The following FMN2 variants were observed in gnomAD, a reference collection of about 807,000 sequenced individuals.
The protein encoded by FMN2 is formin-2.
FMN2 carries 51 observed loss-of-function variants against 142.3 expected under a neutral mutation model. That is an observed-to-expected ratio of 0.36 (90% CI 0.29 to 0.45). The LOEUF (loss-of-function observed/expected upper bound fraction) is 0.45, where lower values mean the gene tolerates loss of function less well. Ranked by LOEUF, FMN2 falls within the 20% of genes least tolerant of loss-of-function variation. The pLI, the probability that FMN2 is intolerant of heterozygous loss-of-function variation, is 1.00. For synonymous variants in FMN2, 882 were observed against 869.8 expected (o/e 1.01, Z -0.25); for missense variants, 1,936 against 2,122.8 (o/e 0.91, Z 1.73).
At chr1:240,185,682 T>G (rs1665416639) in intron 3 of FMN2, among the ~76,000 whole-genome samples, 1 of 152,244 alleles carries the variant, frequency 6.6e-6, no homozygotes, top group South Asian at 2.1e-4. Context: ...AGAACAAAGC[T>G]AGAAAGCATT....
intron 6 of FMN2, among the ~76,000 whole-genome samples, chr1:240,225,582 A>T (rs1327473998): frequency 6.6e-6 from 1 of 152,212 alleles, no homozygotes; most frequent in Non-Finnish European, 1.5e-5. Context: ...TGGGGCAGGG[A>T]AGGGAAAAAT....
chr1:240,454,763 A>T (rs752111562), intron 16 of FMN2, among the ~76,000 whole-genome samples: 6 of 152,164 alleles, frequency 3.9e-5, no homozygotes, highest in Non-Finnish European at 7.3e-5. Context: ...GAGCATTGAA[A>T]ATAGAAAGCC....
intron 14 of FMN2, among the ~76,000 whole-genome samples, chr1:240,368,690 A>T (rs1031217777): frequency 1.3e-5 from 2 of 151,966 alleles, no homozygotes; most frequent in African/African-American, 2.4e-5. Flanking sequence ...GTCATTTTGC[A>T]CTGTGTTGTA....
At chr1:240,351,464 T>C (rs755042074) in intron 13 of FMN2, among the ~76,000 whole-genome samples, 20 of 152,216 alleles carry the variant, frequency 1.3e-4, no homozygotes, top group African/African-American at 4.6e-4. Flanking sequence ...AAATTCTACA[T>C]GTTTCCCAGT....
chr1:240,247,016 G>C (rs2102878261), intron 6 of FMN2, among the ~76,000 whole-genome samples: 1 of 152,246 alleles, frequency 6.6e-6, no homozygotes, highest in South Asian at 2.1e-4. Flanking sequence ...TGGAAAAAAA[G>C]GTCAGATCAT....
chr1:240,246,515 T>C (rs1417593670), intron 6 of FMN2, among the ~76,000 whole-genome samples: 1 of 152,186 alleles, frequency 6.6e-6, no homozygotes, highest in East Asian at 1.9e-4. Flanking sequence ...CTTTAGGATG[T>C]TGGGGTAGCT....
chr1:240,197,460 T>C (rs951073398), intron 4 of FMN2, among the ~76,000 whole-genome samples: 1 of 152,112 alleles, frequency 6.6e-6, no homozygotes, highest in Non-Finnish European at 1.5e-5. Context: ...CAGAAGTTCC[T>C]AGAGGCCTGG....
chr1:240,226,561 G>A (rs927598702), intron 6 of FMN2, among the ~76,000 whole-genome samples: 7 of 152,164 alleles, frequency 4.6e-5, no homozygotes, highest in Admixed American at 3.9e-4. Context: ...AAAATGATAT[G>A]GTAATTTGAG....
intron 16 of FMN2, among the ~76,000 whole-genome samples, chr1:240,463,728 C>G (rs12077534): frequency 0.02 from 3,015 of 152,164 alleles, 80 homozygotes; most frequent in African/African-American, 0.069. Context: ...AGTGGCCAGG[C>G]CTGGTGGCTC....
At chr1:240,414,494 T>G (rs531444176) in intron 15 of FMN2, among the ~76,000 whole-genome samples, 1 of 152,354 alleles carries the variant, frequency 6.6e-6, no homozygotes, top group East Asian at 1.9e-4. Context: ...ATTACGAAAT[T>G]TTAAAGCCAA....
intron 6 of FMN2, among the ~76,000 whole-genome samples, chr1:240,248,458 T>TATATATATATATATATAA (rs913505236): frequency 1.5e-5 from 2 of 133,558 alleles, no homozygotes; most frequent in African/African-American, 5.6e-5. Context: ...TATATATATA[T>TATATATATATATATATAA]AACATACATG....
chr1:240,102,661 T>C (rs1661454530), intron 1 of FMN2, among the ~76,000 whole-genome samples: 1 of 152,174 alleles, frequency 6.6e-6, no homozygotes, highest in Non-Finnish European at 1.5e-5. Context: ...GATGGTATCC[T>C]TGCAGTTTCT....
chr1:240,345,393 T>G (rs561897804), intron 13 of FMN2, among the ~76,000 whole-genome samples: 41 of 152,314 alleles, frequency 2.7e-4, no homozygotes, highest in African/African-American at 9.6e-4. Flanking sequence ...AGATGTAGAT[T>G]GGTGAGAACG....
At chr1:240,268,152 A>C (rs1182855501) in intron 7 of FMN2, among the ~76,000 whole-genome samples, 1 of 152,024 alleles carries the variant, frequency 6.6e-6, no homozygotes, top group African/African-American at 2.4e-5. Context: ...ATCTAAAAGG[A>C]ACTGTTACTT....
chr1:240,233,452 A>G lies in FMN2; in HGVS notation c.4065+22217A>G, dbSNP rs113825531. 3.0e-3 allele frequency among the ~76,000 whole-genome samples: 464 copies of G among 152,210 alleles called. 3 individuals are homozygous for G. Among genetic ancestry groups the G allele is most frequent in the African/African-American group, 0.01 (428 of 41,548 alleles). On this transcript the variant is annotated intron_variant, in intron 6 of 17. Coordinates refer to ENST00000319653, the MANE Select transcript of FMN2 (RefSeq NM_020066.5). ...TCCTTTTAAATTTCTTTCTCAAAGC[A>G]TGTAAAACCATCTCTCTTGCTAAGA...
chr1:240,260,220 C>G (rs1668580041), intron 7 of FMN2, among the ~76,000 whole-genome samples: 2 of 152,138 alleles, frequency 1.3e-5, no homozygotes, highest in South Asian at 2.1e-4. Context: ...CATGCACGTA[C>G]AAGTATCTTT....
intron 6 of FMN2, among the ~76,000 whole-genome samples, chr1:240,228,861 A>G (rs1667439934): frequency 6.6e-6 from 1 of 152,156 alleles, no homozygotes; most frequent in Admixed American, 6.5e-5. Flanking sequence ...ATATAGTTTT[A>G]TAGGCAAGAG....
intron 7 of FMN2, among the ~76,000 whole-genome samples, chr1:240,292,117 C>G (rs1466076373): frequency 6.6e-6 from 1 of 152,150 alleles, no homozygotes; most frequent in Non-Finnish European, 1.5e-5. Flanking sequence ...TGTTCCACAT[C>G]AGGAAACAGC....
intron 3 of FMN2, among the ~76,000 whole-genome samples, chr1:240,185,174 T>TTTCCCCTTCTCTTTCTCCCTCCTATACC (rs1558345285): frequency 2.3e-5 from 2 of 87,658 alleles, no homozygotes; most frequent in African/African-American, 1.1e-4. Flanking sequence ...CTCCTACACC[T>TTTCCCCTTCTCTTTCTCCCTCCTATACC]TTCCCCTTCT....
Sources: gnomAD v4.1 joint callset for allele counts (sites outside exome capture counted in the v4.1 genomes callset) on GRCh38, gnomAD v4.1.1 for gene constraint, MANE v1.5 for transcripts, NCBI Gene and HGNC (gene_info 2026-07-23, HGNC 2026-07-21) for gene names.